The following WDFY4 variants were observed in gnomAD, a reference collection of about 807,000 sequenced individuals.
WDFY4 encodes WDFY family member 4.
In WDFY4, 169 loss-of-function variants were observed where a neutral mutation model predicts 351.9. That is an observed-to-expected ratio of 0.48 (90% CI 0.42 to 0.55). The LOEUF is 0.55. Ranked by LOEUF, WDFY4 falls within the 20% of genes least tolerant of loss-of-function variation. WDFY4 has a pLI of 0.00. For synonymous variants in WDFY4, 1,622 were observed against 1,574.6 expected, an observed-to-expected ratio of 1.03 and a Z score of -0.71; for missense variants, 3,803 against 3,935.6, an observed-to-expected ratio of 0.97 and a Z score of 0.90.
At chr10:48,967,214 T>A (rs1842124529) in intron 55 of WDFY4, 1 of 152,600 alleles carries the variant, frequency 6.6e-6, no homozygotes, top group Admixed American at 6.5e-5. Context: ...GCTTCCTGAC[T>A]GTGTGACCTT....
chr10:48,968,794 C>T, intron 55 of WDFY4: 1 of 465,662 alleles, frequency 2.1e-6, no homozygotes, highest in East Asian at 3.9e-5. Flanking sequence ...GGGGGTGGCT[C>T]CCAGAGTGGA....
chr10:48,874,879 G>A (rs1270253019), intron 41 of WDFY4, among the ~76,000 whole-genome samples: 1 of 152,178 alleles, frequency 6.6e-6, no homozygotes, highest in Non-Finnish European at 1.5e-5. Context: ...AAGATTGTGG[G>A]TTTTTTCCCC....
At chr10:48,891,354 C>G (rs1284941893) in intron 44 of WDFY4, among the ~76,000 whole-genome samples, 4 of 152,234 alleles carry the variant, frequency 2.6e-5, no homozygotes, top group African/African-American at 7.2e-5. Context: ...TCTTTAGGAT[C>G]AAGTGCAGTT....
intron 60 of WDFY4, chr10:48,978,745 C>T (rs1337864076): frequency 1.1e-5 from 2 of 188,146 alleles, no homozygotes; most frequent in Non-Finnish European, 2.2e-5. Context: ...CCATCATTAC[C>T]TCCTCCAGCT....
At chr10:48,779,891 C>A (rs1480806605) in intron 18 of WDFY4, 50 bp from the exon 19 acceptor site, 1 of 1,544,570 alleles carries the variant, frequency 6.5e-7, no homozygotes, top group African/African-American at 1.4e-5. Flanking sequence ...CTCCTGGGTT[C>A]CTGCAGTGTA....
intron 1 of WDFY4, among the ~76,000 whole-genome samples, chr10:48,689,185 T>C (rs2063133532): frequency 6.6e-6 from 1 of 152,196 alleles, no homozygotes; most frequent in African/African-American, 2.4e-5. Context: ...CCGTTTTATT[T>C]ACAATTAGGG....
chr10:48,967,554 T>A (rs1477514617), intron 55 of WDFY4: 1 of 151,728 alleles, frequency 6.6e-6, no homozygotes, highest in Non-Finnish European at 1.5e-5. Context: ...TGACCATAAT[T>A]CAGTGGCTTC....
chr10:48,845,854 A>T (rs1298712935), intron 39 of WDFY4, among the ~76,000 whole-genome samples: 3 of 152,212 alleles, frequency 2.0e-5, no homozygotes, highest in Non-Finnish European at 4.4e-5. Flanking sequence ...GTCACATACC[A>T]GCACTGTGCT....
intron 6 of WDFY4, among the ~76,000 whole-genome samples, chr10:48,726,381 T>G (rs764866952): frequency 6.6e-6 from 1 of 152,242 alleles, no homozygotes. Context: ...GTACATTATC[T>G]TGCTTGTTTC....
intron 20 of WDFY4, 91 bp downstream of exon 20, chr10:48,786,961 T>G (rs1404416749): frequency 1.0e-5 from 12 of 1,194,636 alleles, no homozygotes; most frequent in Non-Finnish European, 1.4e-5. Context: ...GAGAATAAGC[T>G]CAGCGTTAAA....
chr10:48,874,947 T>C, intron 41 of WDFY4, 142 bp from the exon 42 acceptor site: 1 of 409,430 alleles, frequency 2.4e-6, no homozygotes. Flanking sequence ...ATTTAGTGTT[T>C]CTCTCCCTTT....
intron 47 of WDFY4, among the ~76,000 whole-genome samples, chr10:48,931,136 C>T (rs1006936412): frequency 2.0e-5 from 3 of 151,634 alleles, no homozygotes; most frequent in Non-Finnish European, 4.4e-5. Flanking sequence ...CACACGATTC[C>T]GCTTCTTTTC....
chr10:48,833,316 T>A (rs1475585287), intron 39 of WDFY4, among the ~76,000 whole-genome samples: 1 of 152,112 alleles, frequency 6.6e-6, no homozygotes, highest in Admixed American at 6.5e-5. Context: ...CTCATATATC[T>A]GGTGGTTGGT....
At chr10:48,823,559 G>C (rs1387408757) in intron 35 of WDFY4, 1 of 1,072,248 alleles carries the variant, frequency 9.3e-7, no homozygotes. Context: ...AACCTGGAAA[G>C]ACTTGAATTC....
intron 13 of WDFY4, among the ~76,000 whole-genome samples, chr10:48,764,023 G>C (rs1589548238): frequency 6.6e-6 from 1 of 152,348 alleles, no homozygotes; most frequent in East Asian, 1.9e-4. Flanking sequence ...AGTGTTACTA[G>C]CAAGATGGAA....
rs1247546060 is a variant in WDFY4 at position 48,789,912 on chromosome 10, C to G, written c.3993C>G (p.Phe1331Leu). 1.7e-5 allele frequency: 27 copies of G among 1,552,310 alleles called. No individual in the cohort carries two copies. Among genetic ancestry groups the G allele is most frequent in the Non-Finnish European group, 1.9e-5 (22 of 1,147,166 alleles). ...CCCGTGACAATGCCATGCCCGTGTT[C>G]TTGCTGAGGAATTGTGCTGGCCACC... Reference protein sequence around the residue: ...ISSRDNAMPVFLLRNCAGHLS... With the variant: ...ISSRDNAMPVLLLRNCAGHLS... Residue 1331 changes from phenylalanine to leucine, a missense_variant, in exon 22 of 62, where the codon TTC becomes TTG. Around this residue, in one of 3 missense-constraint regions of WDFY4, gnomAD observed 3,054 missense variants for 3,148.6 expected, o/e 0.97. Transcript: ENST00000325239.
chr10:48,866,966 T>C (rs963396763), intron 39 of WDFY4, among the ~76,000 whole-genome samples: 1 of 151,894 alleles, frequency 6.6e-6, no homozygotes, highest in Non-Finnish European at 1.5e-5. Flanking sequence ...AGGTCAGAAG[T>C]TCAAGACCAG....
intron 19 of WDFY4, among the ~76,000 whole-genome samples, chr10:48,781,260 G>A (rs2066213956): frequency 6.6e-6 from 1 of 151,534 alleles, no homozygotes; most frequent in African/African-American, 2.4e-5. Flanking sequence ...ATATATGTGT[G>A]TGTGTGTATA....
At position 48,727,606 on chromosome 10, in the gene WDFY4, C is replaced by G. The variant is rs1171215598; in HGVS notation, c.918C>G (p.Phe306Leu). The G allele has an allele frequency of 1.3e-6, 2 of 1,552,022 alleles. No homozygotes were observed. The highest frequency in any genetic ancestry group is 3.9e-5 in the Admixed American group (2 of 51,004). ...CCTACCCCGTCTCCTCGGCTCTGTT[C>G]CTGGAGTTTGAGAATTCAGAGGGCT... ...KDSYPVSSAL[F>L]LEFENSEGYP... The change falls in exon 7 of 62, where the codon TTC becomes TTG. Residue 306 changes from phenylalanine (F) to leucine (L), a missense_variant. By Grantham distance (22) the Phe-to-Leu change is conservative. This residue lies in a region of WDFY4 where 488 missense variants were observed against 456.8 expected (regional missense o/e 1.07). Transcript: ENST00000325239.
Sources: gnomAD v4.1 joint callset for allele counts (sites outside exome capture counted in the v4.1 genomes callset) on GRCh38, gnomAD v4.1.1 for gene constraint, gnomAD v4.1.1 regional missense constraint, MANE v1.5 for transcripts, NCBI Gene and HGNC (gene_info 2026-07-23, HGNC 2026-07-21) for gene names.